Variants in CDK8 observed in about 807,000 individuals in gnomAD.
CDK8 encodes the protein cyclin-dependent kinase 8.
CDK8 carries 29 observed loss-of-function variants against 71.5 expected under a neutral mutation model. That is an observed-to-expected ratio of 0.41 (90% CI 0.30 to 0.55). The LOEUF (loss-of-function observed/expected upper bound fraction) is 0.55. Ranked by LOEUF, CDK8 falls within the 20% of genes least tolerant of loss-of-function variation. The probability of loss-of-function intolerance (pLI) is 0.37; values close to 1 mark genes in which losing one functional copy is unlikely to be tolerated. For missense variants in CDK8, 288 were observed against 572.6 expected (o/e 0.50, Z 5.07); for synonymous variants, 161 against 192.1 (o/e 0.84, Z 1.34).
intron 4 of CDK8, among the ~76,000 whole-genome samples, chr13:26,378,006 T>G (rs1875035009): frequency 6.6e-6 from 1 of 152,240 alleles, no homozygotes; most frequent in African/African-American, 2.4e-5. Context: ...CATTGTCTTC[T>G]TTTAATAGAG....
chr13:26,340,010 G>A (rs910489354), intron 2 of CDK8, among the ~76,000 whole-genome samples: 1 of 151,552 alleles, frequency 6.6e-6, no homozygotes, highest in African/African-American at 2.4e-5. Context: ...AAATATTTCC[G>A]CTTTCACTGT....
intron 9 of CDK8, among the ~76,000 whole-genome samples, chr13:26,399,615 G>A (rs1294521103): frequency 6.6e-6 from 1 of 152,232 alleles, no homozygotes. Flanking sequence ...CTTCACATTA[G>A]TGTGGCATTT....
chr13:26,324,608 C>T (rs1336373256), intron 1 of CDK8, among the ~76,000 whole-genome samples: 1 of 152,082 alleles, frequency 6.6e-6, no homozygotes, highest in Non-Finnish European at 1.5e-5. Context: ...GCAGGAAATA[C>T]TAACCATTTG....
At chr13:26,375,910 C>T (rs1419599564) in intron 4 of CDK8, among the ~76,000 whole-genome samples, 1 of 152,076 alleles carries the variant, frequency 6.6e-6, no homozygotes, top group Non-Finnish European at 1.5e-5. Context: ...TGTATCAGGG[C>T]TTTGGGGGAT....
chr13:26,311,681 C>A (rs1037842133), intron 1 of CDK8, among the ~76,000 whole-genome samples: 2 of 152,146 alleles, frequency 1.3e-5, no homozygotes, highest in Non-Finnish European at 2.9e-5. Flanking sequence ...GTAAGCCTCC[C>A]GCTTCATCTC....
chr13:26,311,516 T>C lies in CDK8; in HGVS notation c.129-26051T>C, dbSNP rs185658702. 2.8e-3 allele frequency among the ~76,000 whole-genome samples: 429 copies of C among 152,358 alleles called. 1 individual carries two copies. The highest frequency in any genetic ancestry group is 1.0e-2 in the African/African-American group (415 of 41,584). Reference sequence around the variant, plus strand: ...TTCAGGCAACTTCTAGTTACATTACTCTAGCCACAGTACCTCATTGATGTC... The same window carrying C: ...TTCAGGCAACTTCTAGTTACATTACCCTAGCCACAGTACCTCATTGATGTC... On this transcript the variant is annotated intron_variant, in intron 1 of 12. Transcript: ENST00000381527.
chr13:26,255,083 ATGTTTTT>A (rs1298281811), intron 1 of CDK8, among the ~76,000 whole-genome samples: 2 of 151,358 alleles, frequency 1.3e-5, no homozygotes, highest in African/African-American at 4.9e-5. Context: ...GCCGGGTTAA[ATGTTTTT>A]TGTTTTTTTT....
intron 1 of CDK8, among the ~76,000 whole-genome samples, chr13:26,306,244 A>G (rs1874034536): frequency 6.6e-6 from 1 of 152,084 alleles, no homozygotes; most frequent in South Asian, 2.1e-4. Flanking sequence ...CCTTTCCTGT[A>G]TCTTCCCTGG....
chr13:26,256,486 A>T lies in CDK8; in HGVS notation c.128+1717A>T, dbSNP rs190616810. On this transcript the variant is annotated intron_variant, in intron 1 of 12. Coordinates refer to ENST00000381527, the MANE Select transcript of CDK8 (RefSeq NM_001260.3). The stretch of plus-strand genomic sequence containing the variant: ...TTCTAGCGCCTTTGCATTATTTTTA[A>T]TCTGTGTGAGAGAAGCCGGTTCTGT... Among the ~76,000 whole-genome samples, 31 of 152,314 alleles carry T rather than the reference A, an allele frequency of 2.0e-4. No individual in the cohort carries two copies. In the East Asian group the frequency reaches 4.8e-3, roughly 24 times the overall value.
chr13:26,358,752 A>C (rs1874006601), intron 4 of CDK8, among the ~76,000 whole-genome samples: 1 of 152,248 alleles, frequency 6.6e-6, no homozygotes, highest in South Asian at 2.1e-4. Context: ...CCAAGTGTCC[A>C]TCAGTGGATA....
At chr13:26,363,740 T>G (rs554131628) in intron 4 of CDK8, among the ~76,000 whole-genome samples, 1 of 152,274 alleles carries the variant, frequency 6.6e-6, no homozygotes, top group South Asian at 2.1e-4. Flanking sequence ...ACTGGGTAAT[T>G]TGGAATCACT....
chr13:26,283,468 C>T (rs1223522356), intron 1 of CDK8, among the ~76,000 whole-genome samples: 2 of 151,654 alleles, frequency 1.3e-5, no homozygotes, highest in African/African-American at 2.4e-5. Flanking sequence ...ATTAGCTGGG[C>T]GTGGTGGCAC....
intron 1 of CDK8, among the ~76,000 whole-genome samples, chr13:26,282,876 T>G (rs1593237239): frequency 1.3e-4 from 1 of 7,690 alleles, no homozygotes; most frequent in Non-Finnish European, 2.5e-3. Flanking sequence ...GAAAAAGATA[T>G]TTCATGCAAA....
chr13:26,318,515 T>C (rs1671590743), intron 1 of CDK8, among the ~76,000 whole-genome samples: 1 of 152,202 alleles, frequency 6.6e-6, no homozygotes, highest in African/African-American at 2.4e-5. Context: ...CTTGTGATCA[T>C]TGTGCAAAAA....
At chr13:26,366,788 G>A (rs1039589275) in intron 4 of CDK8, among the ~76,000 whole-genome samples, 8 of 152,112 alleles carry the variant, frequency 5.3e-5, no homozygotes, top group African/African-American at 1.7e-4. Context: ...CATAGAAGTT[G>A]GGAAGATAGA....
chr13:26,396,266 T>G lies in CDK8; in HGVS notation c.791-19T>G, dbSNP rs749491652. On this transcript the variant is annotated intron_variant, in intron 7 of 12. Coordinates refer to ENST00000381527, the MANE Select transcript of CDK8 (RefSeq NM_001260.3). ...ATAGGAACTTAGGCAACATAAAAATTTATCAATGTATTTCACAGATAAAGA... is the reference window on the plus strand; with the variant it reads ...ATAGGAACTTAGGCAACATAAAAATGTATCAATGTATTTCACAGATAAAGA... 9.1e-7 allele frequency: 1 copy of G among 1,095,146 alleles called. No homozygotes were observed. Among genetic ancestry groups the G allele is most frequent in the South Asian group, 1.8e-5 (1 of 56,708 alleles). 67.8% of individuals were successfully genotyped at this position (1,095,146 alleles called of 1,614,324 possible).
rs2138080666 is a variant in CDK8, at chr13:26,404,344, A to G, written c.*263A>G. On this transcript the variant is annotated 3_prime_UTR_variant, in exon 13 of 13. Coordinates refer to ENST00000381527, the MANE Select transcript of CDK8 (RefSeq NM_001260.3). ...TTCCATAGTTTACTTGACATGGTTC[A>G]GACTGACCAATGCATTTTTTTCAGT... 2.9e-6 allele frequency: 1 copy of G among 350,872 alleles called. No homozygotes were observed. The highest frequency in any genetic ancestry group is 5.4e-5 in the South Asian group (1 of 18,552). 21.7% of individuals were successfully genotyped at this position (350,872 alleles called of 1,614,324 possible).
chr13:26,262,713 G>C (rs937923513), intron 1 of CDK8, among the ~76,000 whole-genome samples: 5 of 152,176 alleles, frequency 3.3e-5, no homozygotes, highest in African/African-American at 1.2e-4. Context: ...GATCAAATCT[G>C]TATTTCTAAA....
intron 4 of CDK8, among the ~76,000 whole-genome samples, chr13:26,357,374 C>G (rs999969019): frequency 2.6e-5 from 4 of 152,136 alleles, no homozygotes; most frequent in Non-Finnish European, 4.4e-5. Context: ...TGATCCAAAC[C>G]AAACTTTTTA....
Sources: gnomAD v4.1 joint callset for allele counts (sites outside exome capture counted in the v4.1 genomes callset) on GRCh38, gnomAD v4.1.1 for gene constraint, MANE v1.5 for transcripts, NCBI Gene and HGNC (gene_info 2026-07-23, HGNC 2026-07-21) for gene names.